Variants in RALYL observed in about 807,000 individuals in gnomAD.
RALYL encodes RNA-binding Raly-like protein.
In RALYL, 29 loss-of-function variants were observed where a neutral mutation model predicts 35.1. The observed-to-expected ratio is 0.83, with a 90% CI of 0.61 to 1.13. The LOEUF (loss-of-function observed/expected upper bound fraction) is 1.13, where lower values mean the gene tolerates loss of function less well. Among genes scored for constraint, RALYL ranks in the 50% most tolerant of loss-of-function variants. RALYL has a pLI of 0.00. For missense variants in RALYL, 359 were observed against 360.4 expected (o/e 1.00, Z 0.03); for synonymous variants, 120 against 127.6 (o/e 0.94, Z 0.40).
At chr8:84,691,627 C>A (rs1039363913) in intron 2 of RALYL, among the ~76,000 whole-genome samples, 1 of 151,920 alleles carries the variant, frequency 6.6e-6, no homozygotes, top group Non-Finnish European at 1.5e-5. Context: ...CTTCCTCCCC[C>A]CTCCCCTCAT....
intron 1 of RALYL, among the ~76,000 whole-genome samples, chr8:84,363,132 A>G (rs1415343651): frequency 6.6e-6 from 1 of 152,174 alleles, no homozygotes; most frequent in East Asian, 1.9e-4. Flanking sequence ...CAAGGCAAAG[A>G]CAAACTTGGA....
intron 1 of RALYL, among the ~76,000 whole-genome samples, chr8:84,308,092 G>A (rs1204950396): frequency 1.4e-5 from 2 of 143,760 alleles, no homozygotes; most frequent in Admixed American, 1.4e-4. Context: ...CATATAAATA[G>A]ATCACCAAGA....
At chr8:84,891,162 C>T (rs181050961) in intron 8 of RALYL, among the ~76,000 whole-genome samples, 1 of 152,156 alleles carries the variant, frequency 6.6e-6, no homozygotes, top group East Asian at 1.9e-4. Flanking sequence ...GAATGAGGGG[C>T]TCAGATGCAA....
intron 1 of RALYL, among the ~76,000 whole-genome samples, chr8:84,482,453 A>C (rs2054150342): frequency 6.6e-6 from 1 of 151,980 alleles, no homozygotes; most frequent in Non-Finnish European, 1.5e-5. Context: ...TTAAACTGTT[A>C]AATAATTGTC....
At chr8:84,896,603 C>T (rs1844783291) in intron 8 of RALYL, among the ~76,000 whole-genome samples, 1 of 152,154 alleles carries the variant, frequency 6.6e-6, no homozygotes, top group African/African-American at 2.4e-5. Context: ...TCCTAGTTCT[C>T]TCCCATTCAC....
intron 8 of RALYL, among the ~76,000 whole-genome samples, chr8:84,909,099 G>A (rs1268252119): frequency 2.0e-5 from 3 of 152,060 alleles, no homozygotes; most frequent in African/African-American, 7.2e-5. Flanking sequence ...CCTCACCTGG[G>A]CTCTGTCTGT....
At chr8:84,525,953 CTTTTTTTTTTTT>C (rs35794329) in intron 1 of RALYL, among the ~76,000 whole-genome samples, 5 of 104,850 alleles carry the variant, frequency 4.8e-5, no homozygotes, top group East Asian at 2.7e-4. Context: ...TTTCTTTTTT[CTTTTTTTTTTTT>C]TTTTTTTTTT....
At chr8:84,256,277 C>T (rs1433169857) in intron 1 of RALYL, among the ~76,000 whole-genome samples, 1 of 152,120 alleles carries the variant, frequency 6.6e-6, no homozygotes. Context: ...AGGTTTGTCT[C>T]TTAACATATG....
intron 2 of RALYL, among the ~76,000 whole-genome samples, chr8:84,543,915 T>G (rs980249835): frequency 9.9e-5 from 15 of 152,188 alleles, no homozygotes; most frequent in African/African-American, 3.1e-4. Context: ...TCGATCAGCA[T>G]TGTCAGAAAT....
At chr8:84,875,598 T>G (rs1840989996) in intron 7 of RALYL, among the ~76,000 whole-genome samples, 1 of 152,156 alleles carries the variant, frequency 6.6e-6, no homozygotes, top group East Asian at 1.9e-4. Flanking sequence ...GAAAATGAAT[T>G]TGTAACTCCA....
At chr8:84,710,125 C>G (rs1841929824) in intron 2 of RALYL, among the ~76,000 whole-genome samples, 1 of 152,028 alleles carries the variant, frequency 6.6e-6, no homozygotes, top group Non-Finnish European at 1.5e-5. Context: ...ATTCTCTTAT[C>G]TCTATGCCTT....
At chr8:84,879,527 C>T (rs1320149955) in intron 7 of RALYL, among the ~76,000 whole-genome samples, 1 of 151,984 alleles carries the variant, frequency 6.6e-6, no homozygotes, top group Non-Finnish European at 1.5e-5. Flanking sequence ...ACTGAATCCT[C>T]AGCTTCCTAG....
At chr8:84,530,362 T>C (rs1460637602) in intron 2 of RALYL, among the ~76,000 whole-genome samples, 2 of 152,012 alleles carry the variant, frequency 1.3e-5, no homozygotes, top group Non-Finnish European at 2.9e-5. Context: ...CATCTTCTCA[T>C]GGATACTCAA....
chr8:84,774,870 A>G (rs1816461303), intron 3 of RALYL, among the ~76,000 whole-genome samples: 1 of 152,196 alleles, frequency 6.6e-6, no homozygotes, highest in Non-Finnish European at 1.5e-5. Flanking sequence ...CAACCCTTCT[A>G]CGAGATACTT....
At chr8:84,655,892 A>G (rs1045270934) in intron 2 of RALYL, among the ~76,000 whole-genome samples, 16 of 152,266 alleles carry the variant, frequency 1.1e-4, no homozygotes, top group African/African-American at 3.4e-4. Context: ...TCAGAAATTA[A>G]GAGTAGGATC....
intron 1 of RALYL, among the ~76,000 whole-genome samples, chr8:84,365,019 A>G (rs1233583431): frequency 6.6e-6 from 1 of 152,132 alleles, no homozygotes; most frequent in East Asian, 1.9e-4. Flanking sequence ...GGAATGATAG[A>G]CGCTATTAAA....
chr8:84,801,995 A>G (rs13257825), intron 3 of RALYL, among the ~76,000 whole-genome samples: 103,163 of 151,434 alleles, frequency 0.68, 36,393 homozygotes, highest in East Asian at 0.87. Flanking sequence ...CTATTTTAGG[A>G]GGTTGTTTCC....
chr8:84,579,293 A>T (rs754698059), intron 2 of RALYL, among the ~76,000 whole-genome samples: 2 of 152,140 alleles, frequency 1.3e-5, no homozygotes, highest in Non-Finnish European at 2.9e-5. Flanking sequence ...GGGCACCAGG[A>T]GTGGGCAGAG....
intron 1 of RALYL, among the ~76,000 whole-genome samples, chr8:84,194,978 A>T (rs1814862708): frequency 6.6e-6 from 1 of 152,078 alleles, no homozygotes; most frequent in African/African-American, 2.4e-5. Context: ...TGATTGGTAC[A>T]GCAATAGGTC....
Sources: allele counts gnomAD v4.1 joint callset (sites outside exome capture counted in the v4.1 genomes callset), GRCh38; gene constraint gnomAD v4.1.1; transcripts MANE v1.5; gene names NCBI Gene and HGNC (gene_info 2026-07-23, HGNC 2026-07-21).